Variants in RRP12 observed in about 807,000 individuals in gnomAD.
RRP12 encodes the protein ribosomal RNA processing 12 homolog.
In RRP12, 78 loss-of-function variants were observed where a neutral mutation model predicts 157.3. That is an observed-to-expected ratio of 0.50 (90% CI 0.41 to 0.60). The LOEUF (loss-of-function observed/expected upper bound fraction) is 0.60. Ranked by LOEUF, RRP12 falls within the 20% of genes least tolerant of loss-of-function variation. The pLI is 0.00. For synonymous variants in RRP12, 726 were observed against 670.9 expected (o/e 1.08, Z -1.27); for missense variants, 1,521 against 1,679.9 (o/e 0.91, Z 1.65).
At chr10:97,362,079 C>T (rs1843857761) in intron 30 of RRP12, among the ~76,000 whole-genome samples, 1 of 148,494 alleles carries the variant, frequency 6.7e-6, no homozygotes, top group Admixed American at 6.8e-5. Flanking sequence ...TACACTCCAG[C>T]CTGGCGAAAA....
chr10:97,385,288 A>T (rs1255275501), intron 9 of RRP12, 31 bp from the exon 10 acceptor site: 4 of 1,544,808 alleles, frequency 2.6e-6, no homozygotes, highest in Non-Finnish European at 3.6e-6. Flanking sequence ...GTGACTGAGC[A>T]TGCAGGGTCT....
At chr10:97,370,036 C>A in intron 24 of RRP12, 131 bp downstream of exon 24, 1 of 671,798 alleles carries the variant, frequency 1.5e-6, no homozygotes, top group Non-Finnish European at 2.6e-6. Flanking sequence ...GGGAGGCAAA[C>A]TGGGCTGGGT....
chr10:97,367,431 CCT>C, intron 25 of RRP12: 3 of 442,062 alleles, frequency 6.8e-6, no homozygotes. Flanking sequence ...TTGGACTACC[CCT>C]GAGATACATG....
chr10:97,380,283 G>A (rs922257804), intron 13 of RRP12, among the ~76,000 whole-genome samples: 2 of 152,174 alleles, frequency 1.3e-5, no homozygotes, highest in African/African-American at 4.8e-5. Context: ...CAGTGAGGAA[G>A]GCCCCACGAG....
At position 97,369,509 on chromosome 10, in the gene RRP12, G is replaced by A. The variant is rs150017845; in HGVS notation, c.2871C>T (p.Asp957=). Residue 957 remains aspartate (D), a synonymous_variant, in exon 25 of 34, where the codon GAC becomes GAT. Coordinates refer to ENST00000370992, the MANE Select transcript of RRP12 (RefSeq NM_015179.4). ...VCLLLASRTR[D]VVKSALGFIK... The stretch of plus-strand genomic sequence containing the variant: ...TGAAGCCCAGTGCAGACTTGACCAC[G>A]TCACGGGTGCGGGAGGCCAGAAGCA... 2.4e-5 allele frequency: 39 copies of A among 1,605,574 alleles called. No homozygotes were observed. In the East Asian group the frequency reaches 4.9e-4, roughly 20 times the overall value.
intron 25 of RRP12, among the ~76,000 whole-genome samples, chr10:97,367,682 A>AG (rs1309041302): frequency 6.6e-6 from 1 of 152,168 alleles, no homozygotes; most frequent in Non-Finnish European, 1.5e-5. Flanking sequence ...TGCAGGTGGC[A>AG]GATCTTCTTA....
intron 30 of RRP12, among the ~76,000 whole-genome samples, chr10:97,362,888 T>C (rs1843881015): frequency 6.6e-6 from 1 of 152,136 alleles, no homozygotes; most frequent in Admixed American, 6.6e-5. Context: ...TTGACAAACA[T>C]GACGCCAATG....
chr10:97,398,197 G>A (rs1251546655), intron 2 of RRP12, among the ~76,000 whole-genome samples: 1 of 97,466 alleles, frequency 1.0e-5, no homozygotes, highest in African/African-American at 4.9e-5. Context: ...TGGGACTACA[G>A]GCGCCCGCCA....
At chr10:97,376,636 T>G (rs185527613) in intron 15 of RRP12, among the ~76,000 whole-genome samples, 65 of 152,272 alleles carry the variant, frequency 4.3e-4, no homozygotes, top group African/African-American at 1.6e-3. Context: ...TACTCTTTGT[T>G]GTGTGAGGTC....
At chr10:97,385,854 C>A (rs1481765637) in intron 9 of RRP12, 41 bp downstream of exon 9, 8 of 1,427,304 alleles carry the variant, frequency 5.6e-6, no homozygotes, top group South Asian at 1.2e-5. Context: ...CAAGGCACCA[C>A]CCCCGACCTA....
chr10:97,371,418 A>C, intron 20 of RRP12: 2 of 316,168 alleles, frequency 6.3e-6, no homozygotes, highest in Non-Finnish European at 1.2e-5. Flanking sequence ...TCCTTCCAAG[A>C]CTGACAACTC....
Position 97,385,592 on chromosome 10 carries a change from A to C in RRP12, c.1116+303T>G, listed in dbSNP as rs544017557. The stretch of plus-strand genomic sequence containing the variant: ...GATCTGATCCCCCCTCCCAATATCC[A>C]TCCACAGACCTCTAAGGCCGAGAGC... On this transcript the variant is annotated intron_variant, in intron 9 of 33. Coordinates refer to ENST00000370992, the MANE Select transcript of RRP12 (RefSeq NM_015179.4). Among the ~76,000 whole-genome samples the C allele has an allele frequency of 4.6e-5, 7 of 151,950 alleles. No individual in the cohort carries two copies. The South Asian group carries it at 1.2e-3, about 27-fold the overall frequency.
rs542977164 is a variant in RRP12, at chr10:97,360,602, A to T, written c.3584T>A (p.Leu1195His). 6.2e-7 allele frequency: 1 copy of T among 1,613,800 alleles called. No individual in the cohort carries two copies. The highest frequency in any genetic ancestry group is 1.3e-5 in the African/African-American group (1 of 74,950). Residue 1195 changes from leucine (L) to histidine (H), a missense_variant, in exon 31 of 34, where the codon CTC becomes CAC. Transcript: ENST00000370992. ...VIIRNKKHQK[L>H]KHQKEAEEEE... The stretch of plus-strand genomic sequence containing the variant: ...CTCCTCAGCCTCTTTCTGGTGCTTG[A>T]GCTTCTGGTGCTTTTTCTATAGAGA...
chr10:97,362,011 G>A (rs889550319), intron 30 of RRP12, among the ~76,000 whole-genome samples: 4 of 151,634 alleles, frequency 2.6e-5, no homozygotes, highest in Non-Finnish European at 5.9e-5. Context: ...GGAGGCTGAG[G>A]CAGGAGAATC....
chr10:97,390,349 G>C, intron 6 of RRP12, 74 bp downstream of exon 6: 1 of 1,165,376 alleles, frequency 8.6e-7, no homozygotes, highest in East Asian at 2.3e-5. Flanking sequence ...CACTCAGCTA[G>C]CCAAGTCTGG....
At chr10:97,374,770 T>TC (rs1462035907) in intron 15 of RRP12, among the ~76,000 whole-genome samples, 1 of 47,954 alleles carries the variant, frequency 2.1e-5, no homozygotes, top group African/African-American at 1.1e-4. Context: ...AGACTCTGTC[T>TC]CAAAAAAAAA....
At chr10:97,361,890 C>T (rs1288849831) in intron 30 of RRP12, among the ~76,000 whole-genome samples, 3 of 152,084 alleles carry the variant, frequency 2.0e-5, no homozygotes, top group Non-Finnish European at 2.9e-5. Context: ...GGGTGGATCA[C>T]GAGGTCAGGA....
intron 30 of RRP12, among the ~76,000 whole-genome samples, chr10:97,361,803 T>C (rs1843848014): frequency 6.6e-6 from 1 of 152,102 alleles, no homozygotes; most frequent in East Asian, 1.9e-4. Flanking sequence ...GCTTCCACAA[T>C]GGTTGGCCGA....
Position 97,366,447 on chromosome 10 carries a change from C to T in RRP12, c.3390G>A (p.Leu1130=). Reference sequence around the variant, plus strand: ...TGCACTGGCCAGCCCTGTGCTTACCCAGGACTCGTTGGGCCACCTTGGGAT... The same window carrying T: ...TGCACTGGCCAGCCCTGTGCTTACCTAGGACTCGTTGGGCCACCTTGGGAT... ...FLDPKVAQRV[L]ATQPGPGRGR... is the part of the protein sequence containing the mutation. Residue 1130 remains leucine (L), a splice_region_variant and synonymous_variant, in exon 28 of 34, where the codon CTG becomes CTA. Coordinates refer to ENST00000370992, the MANE Select transcript of RRP12 (RefSeq NM_015179.4). 1 of 1,609,772 alleles carries T rather than the reference C, an allele frequency of 6.2e-7. No homozygotes were observed. Among genetic ancestry groups the T allele is most frequent in the Admixed American group, 1.7e-5 (1 of 59,630 alleles).
Sources: allele counts gnomAD v4.1 joint callset (sites outside exome capture counted in the v4.1 genomes callset), GRCh38; gene constraint gnomAD v4.1.1; transcripts MANE v1.5; gene names NCBI Gene and HGNC (gene_info 2026-07-23, HGNC 2026-07-21).